The following MEGF6 variants were observed in gnomAD, a reference collection of about 807,000 sequenced individuals.
The protein encoded by MEGF6 is multiple EGF like domains 6.
A neutral mutation model predicts 207.1 loss-of-function variants in MEGF6; 184 were observed. That is an observed-to-expected ratio of 0.89 (90% confidence interval 0.79 to 1.00). MEGF6 has a LOEUF of 1.00. Ranked by LOEUF, MEGF6 falls within the 50% of genes least tolerant of loss-of-function variation. MEGF6 has a pLI of 0.00. For missense variants in MEGF6, 2,282 were observed against 2,202.9 expected (o/e 1.04, Z -0.72); for synonymous variants, 1,038 against 910.0 (o/e 1.14, Z -2.53).
chr1:3,505,366 G>C (rs769483380), intron 16 of MEGF6, 24 bp from the exon 17 acceptor site: 1 of 1,608,150 alleles, frequency 6.2e-7, no homozygotes, highest in Non-Finnish European at 8.5e-7. Context: ...GAGAGGGGTG[G>C]GTGGGGTTAA....
In MEGF6 at chr1:3,500,166, G is replaced by A. The variant is rs145893537; in HGVS notation, c.2708-242C>T. Among the ~76,000 whole-genome samples, 1,136 of 152,318 alleles carry A rather than the reference G, an allele frequency of 7.5e-3. 7 individuals are homozygous for A. Among genetic ancestry groups the A allele is most frequent in the African/African-American group, 0.025 (1,042 of 41,570 alleles). On this transcript the variant is annotated intron_variant, in intron 21 of 36. Transcript: ENST00000356575. ...ATGGGAACCTCCCCAGGGGCTGTCC[G>A]TAGGACGCCCAACCCAGGCCTCCCC...
intron 4 of MEGF6, among the ~76,000 whole-genome samples, chr1:3,536,974 C>A (rs570177718): frequency 4.6e-5 from 7 of 152,394 alleles, no homozygotes; most frequent in Non-Finnish European, 8.8e-5. Context: ...GCGGCTCAGG[C>A]GCCTGGACAC....
chr1:3,609,012 G>A (rs1570256018), intron 1 of MEGF6, among the ~76,000 whole-genome samples: 2 of 152,226 alleles, frequency 1.3e-5, no homozygotes, highest in East Asian at 3.8e-4. Context: ...GAGGTTGGCA[G>A]TAACGCTTCA....
chr1:3,497,274 C>T lies in MEGF6; in HGVS notation c.3440G>A (p.Cys1147Tyr). The T allele has an allele frequency of 6.5e-7, 1 of 1,548,944 alleles. No homozygotes were observed. Residue 1147 changes from cysteine (C) to tyrosine (Y), a missense_variant, in exon 27 of 37, where the codon TGC (cysteine) becomes TAC (tyrosine). Physicochemically the swap from Cys to Tyr is radical, Grantham distance 194 (BLOSUM62 -2). Transcript: ENST00000356575. Reference protein sequence around the residue: ...GAACHHVTGACRCPPGFTGSG... With the variant: ...GAACHHVTGAYRCPPGFTGSG... ...GCCAGTGAAGCCAGGGGGACAGCGG[C>T]AGGCCCCAGTGACGTGGTGGCAGGC... is the stretch of plus-strand genomic sequence containing the variant.
intron 7 of MEGF6, among the ~76,000 whole-genome samples, chr1:3,512,858 C>T (rs933236670): frequency 2.6e-5 from 4 of 152,318 alleles, no homozygotes; most frequent in South Asian, 2.1e-4. Flanking sequence ...GGACACACAC[C>T]GCTGCCTCAG....
chr1:3,623,241 T>A, the MEGF6 span: 1 of 151,944 alleles, frequency 6.6e-6, no homozygotes, highest in Non-Finnish European at 1.5e-5. Context: ...CAGTTGCCCA[T>A]CACTGACTAC....
chr1:3,520,063 G>T (rs1641686910), intron 5 of MEGF6, among the ~76,000 whole-genome samples: 1 of 152,236 alleles, frequency 6.6e-6, no homozygotes, highest in Non-Finnish European at 1.5e-5. Context: ...GGGCCGAGAA[G>T]GGGAGAAGGA....
At chr1:3,524,027 GT>G (rs1641864973) in intron 5 of MEGF6, 96 bp downstream of exon 5, 20 of 1,412,326 alleles carry the variant, frequency 1.4e-5, no homozygotes, top group Non-Finnish European at 1.8e-5. Flanking sequence ...GCCTCTCCAT[GT>G]CCACAGCCAC....
chr1:3,501,707 C>A, intron 18 of MEGF6, 89 bp downstream of exon 18: 3 of 1,500,152 alleles, frequency 2.0e-6, no homozygotes, highest in Non-Finnish European at 2.7e-6. Flanking sequence ...CTGGGATCCG[C>A]AGGGCTGGGG....
In MEGF6 at chr1:3,551,414, C is replaced by T. The variant is rs184258154; in HGVS notation, c.482-27168G>A. 1.8e-4 allele frequency among the ~76,000 whole-genome samples: 27 copies of T among 152,276 alleles called. No homozygotes were observed. In the East Asian group the frequency reaches 1.9e-3, roughly 11 times the overall value. On this transcript the variant is annotated intron_variant, in intron 4 of 36. Coordinates refer to ENST00000356575, the MANE Select transcript of MEGF6 (RefSeq NM_001409.4). The stretch of plus-strand genomic sequence containing the variant: ...AAACTCTCGCCAAATTCCAAGTCAA[C>T]GGGCAGCATCAGGCCCTGAGCCAAT...
chr1:3,536,471 T>C (rs1642332591), intron 4 of MEGF6, among the ~76,000 whole-genome samples: 1 of 152,070 alleles, frequency 6.6e-6, no homozygotes, highest in African/African-American at 2.4e-5. Context: ...CCTGCTAGGC[T>C]AGGGAGGAGC....
intron 4 of MEGF6, among the ~76,000 whole-genome samples, chr1:3,536,513 C>T (rs1164682785): frequency 6.6e-6 from 1 of 152,158 alleles, no homozygotes; most frequent in Non-Finnish European, 1.5e-5. Context: ...AGCAGCCCAC[C>T]GGTAGAGAGC....
At chr1:3,569,743 C>G (rs1245249451) in intron 4 of MEGF6, among the ~76,000 whole-genome samples, 1 of 152,228 alleles carries the variant, frequency 6.6e-6, no homozygotes, top group African/African-American at 2.4e-5. Flanking sequence ...GGCAGGAAGA[C>G]TTGAGATGCC....
In MEGF6 at chr1:3,543,598, G is replaced by A. The variant is rs373295195; in HGVS notation, c.482-19352C>T. Among the ~76,000 whole-genome samples the A allele has an allele frequency of 9.2e-5, 14 of 152,322 alleles. No homozygotes were observed. The East Asian group carries it at 1.4e-3, about 15-fold the overall frequency. ...CGGGAGGCGGGGCGAGGCCAGGGAC[G>A]GGGCAGGAGAGGAAGCGTCGGCACT... On this transcript the variant is annotated intron_variant, in intron 4 of 36. Transcript: ENST00000356575.
In MEGF6 at chr1:3,509,238, CT is replaced by C; in HGVS notation, c.1364del (p.Glu455GlyfsTer68). 1 of 1,501,862 alleles carries C rather than the reference CT, an allele frequency of 6.7e-7. No individual in the cohort carries two copies. Among genetic ancestry groups the C allele is most frequent in the Non-Finnish European group, 8.9e-7 (1 of 1,122,860 alleles). 93.0% of individuals were successfully genotyped at this position (1,501,862 alleles called of 1,614,324 possible). A position where few individuals can be genotyped will look rare whatever the true frequency, so the allele number is the denominator to read the frequency against. ...HEDRRGCSPL[E>X]EPMVDLDGEL... ...CGCCGTCCAGGTCCACCATCGGCTC[CT>C]CCAGGGCTGCCAGGGGCACAGAGGC... is the stretch of plus-strand genomic sequence containing the variant. On this transcript the variant is annotated frameshift_variant, in exon 12 of 37. Coordinates refer to ENST00000356575, the MANE Select transcript of MEGF6 (RefSeq NM_001409.4). LOFTEE classifies it high-confidence loss of function.
intron 5 of MEGF6, among the ~76,000 whole-genome samples, chr1:3,517,556 G>C (rs1016472944): frequency 6.6e-6 from 1 of 152,226 alleles, no homozygotes. Context: ...GCCAGCGCTG[G>C]GATATGCAGC....
At chr1:3,572,012 C>CT (rs1236429364) in intron 4 of MEGF6, among the ~76,000 whole-genome samples, 1 of 133,432 alleles carries the variant, frequency 7.5e-6, no homozygotes, top group African/African-American at 2.9e-5. Flanking sequence ...GTGCTGGGTC[C>CT]TTCCTGAGTG....
chr1:3,501,294 G>A lies in MEGF6; in HGVS notation c.2329C>T (p.Arg777Cys), dbSNP rs1468233973. The A allele has an allele frequency of 6.3e-6, 10 of 1,599,238 alleles. No individual in the cohort carries two copies. The highest frequency in any genetic ancestry group is 2.3e-5 in the East Asian group (1 of 43,904). ...EDCEADCPEG[R>C]WGLGCQEICP... is the part of the protein sequence containing the mutation. Reference sequence around the variant, plus strand: ...ATCTCCTGGCAGCCCAGCCCCCAGCGGCCCTCGGGACAATCTAGTGCCCAC... The same window carrying A: ...ATCTCCTGGCAGCCCAGCCCCCAGCAGCCCTCGGGACAATCTAGTGCCCAC... Residue 777 changes from arginine (R) to cysteine (C), a missense_variant, in exon 19 of 37, where the codon CGC (arginine) becomes TGC (cysteine). Arg to Cys is a radical substitution (Grantham distance 180, BLOSUM62 -3). Transcript: ENST00000356575.
chr1:3,531,022 A>T, intron 4 of MEGF6: 1 of 1,432,974 alleles, frequency 7.0e-7, no homozygotes, highest in South Asian at 1.5e-5. Context: ...AAACAAAGGG[A>T]GCGCGCCGGG....
Sources: allele counts gnomAD v4.1 joint callset (sites outside exome capture counted in the v4.1 genomes callset), GRCh38; gene constraint gnomAD v4.1.1; transcripts MANE v1.5; gene names NCBI Gene and HGNC (gene_info 2026-07-23, HGNC 2026-07-21).